The following ZER1 variants were observed in gnomAD, a reference collection of about 807,000 sequenced individuals.
ZER1 encodes zyg-11 related cell cycle regulator, also known as protein zer-1 homolog.
In ZER1, 11 loss-of-function variants were observed where a neutral mutation model predicts 78.8. The ratio of observed to expected loss-of-function variants is 0.14; its 90% confidence interval spans 0.09 to 0.23. The LOEUF (loss-of-function observed/expected upper bound fraction) is 0.23, where lower values mean the gene tolerates loss of function less well. Ranked by LOEUF, ZER1 falls within the 10% of genes least tolerant of loss-of-function variation. ZER1 has a pLI of 1.00. For synonymous variants in ZER1, 400 were observed against 407.0 expected, an observed-to-expected ratio of 0.98 and a Z score of 0.21; for missense variants, 588 against 996.9, an observed-to-expected ratio of 0.59 and a Z score of 5.52.
At chr9:128,765,603 C>G (rs955240212) in intron 1 of ZER1, among the ~76,000 whole-genome samples, 1 of 152,146 alleles carries the variant, frequency 6.6e-6, no homozygotes, top group Non-Finnish European at 1.5e-5. Flanking sequence ...ACCCAGAGGA[C>G]AGAGAGGTTG....
At chr9:128,735,197 G>T in intron 14 of ZER1, 137 bp downstream of exon 14, 1 of 769,898 alleles carries the variant, frequency 1.3e-6, no homozygotes, top group Non-Finnish European at 2.0e-6. Context: ...ACAAACGCTG[G>T]AAAGTGGAGG....
At position 128,753,657 on chromosome 9, in the gene ZER1, A is replaced by G; in HGVS notation, c.310-57T>C. ...CACCCTTGCCCCTTCCCCCGGCCCCAGGCCTTGCCCTGGGCTACAGGTGGG... is the reference window on the plus strand; with the variant it reads ...CACCCTTGCCCCTTCCCCCGGCCCCGGGCCTTGCCCTGGGCTACAGGTGGG... On this transcript the variant is annotated intron_variant, in intron 3 of 15. Coordinates refer to ENST00000291900, the MANE Select transcript of ZER1 (RefSeq NM_006336.4). The surrounding 1 kb of genome is among the most constrained non-coding windows in gnomAD (Gnocchi z 7.5). 1 of 1,588,238 alleles carries G rather than the reference A, an allele frequency of 6.3e-7. No individual in the cohort carries two copies. The highest frequency in any genetic ancestry group is 8.6e-7 in the Non-Finnish European group (1 of 1,166,540).
intron 1 of ZER1, among the ~76,000 whole-genome samples, chr9:128,758,633 T>A (rs1863939880): frequency 1.3e-5 from 2 of 151,726 alleles, no homozygotes; most frequent in Non-Finnish European, 2.9e-5. Context: ...AGAGACAAGA[T>A]CTTGCTATGT....
rs759790540 is a variant in ZER1, at chr9:128,753,651, G to A, written c.310-51C>T. On this transcript the variant is annotated intron_variant, in intron 3 of 15. Coordinates refer to ENST00000291900, the MANE Select transcript of ZER1 (RefSeq NM_006336.4). This position sits in a 1 kb window ranked among gnomAD's most constrained non-coding sequence, Gnocchi z 7.5. ...CATCACCACCCTTGCCCCTTCCCCC[G>A]GCCCCAGGCCTTGCCCTGGGCTACA... The A allele has an allele frequency of 1.5e-5, 24 of 1,590,716 alleles. No homozygotes were observed. Among genetic ancestry groups the A allele is most frequent in the Admixed American group, 5.1e-5 (3 of 58,496 alleles).
At chr9:128,743,893 CTTTTTTTTTTTTTT>C (rs35174986) in intron 8 of ZER1, among the ~76,000 whole-genome samples, 1 of 38,506 alleles carries the variant, frequency 2.6e-5, no homozygotes, top group Non-Finnish European at 4.5e-5. Flanking sequence ...ATGGCCCCTG[CTTTTTTTTTTTTTT>C]TTTTTTTTTG....
chr9:128,734,574 T>C (rs1472175313), intron 14 of ZER1, among the ~76,000 whole-genome samples: 1 of 151,638 alleles, frequency 6.6e-6, no homozygotes, highest in Non-Finnish European at 1.5e-5. Context: ...GCTCAAACAA[T>C]CCTCCCACCT....
At chr9:128,760,033 C>A (rs1863992994) in intron 1 of ZER1, among the ~76,000 whole-genome samples, 1 of 152,012 alleles carries the variant, frequency 6.6e-6, no homozygotes, top group East Asian at 1.9e-4. Flanking sequence ...GCATGTGCCA[C>A]CACGCCCAGT....
Position 128,753,035 on chromosome 9 carries a change from T to A in ZER1, c.746+129A>T. ...AAACACTGGGTTTAAGGAATGGGAC[T>A]GTGTCTTCATCCCCACCCTCTGCCT... On this transcript the variant is annotated intron_variant, in intron 4 of 15. Transcript: ENST00000291900. The surrounding 1 kb of genome is among the most constrained non-coding windows in gnomAD (Gnocchi z 7.5). 8.4e-7 allele frequency: 1 copy of A among 1,197,072 alleles called. No individual in the cohort carries two copies. The highest frequency in any genetic ancestry group is 2.8e-5 in the East Asian group (1 of 35,392). 74.2% of individuals were successfully genotyped at this position (1,197,072 alleles called of 1,614,324 possible).
chr9:128,734,227 C>T (rs1452923455), intron 14 of ZER1, among the ~76,000 whole-genome samples: 11 of 130,686 alleles, frequency 8.4e-5, no homozygotes, highest in Non-Finnish European at 1.6e-4. Flanking sequence ...GACAGAGTCT[C>T]ACTCTGTCAC....
chr9:128,743,262 C>T (rs1485585741), intron 8 of ZER1, among the ~76,000 whole-genome samples: 1 of 151,732 alleles, frequency 6.6e-6, no homozygotes, highest in Admixed American at 6.6e-5. Context: ...GGATTACAGG[C>T]GTGCCACCAT....
chr9:128,743,182 A>G (rs1863363966), intron 8 of ZER1, among the ~76,000 whole-genome samples: 1 of 150,892 alleles, frequency 6.6e-6, no homozygotes, highest in South Asian at 2.1e-4. Context: ...CAGTGGACCT[A>G]TCTCGGCTCA....
intron 8 of ZER1, among the ~76,000 whole-genome samples, chr9:128,748,480 A>C (rs1427153417): frequency 6.7e-6 from 1 of 149,482 alleles, no homozygotes; most frequent in Non-Finnish European, 1.5e-5. Flanking sequence ...CTGAGTTGGG[A>C]GGCTTGCTTG....
chr9:128,742,843 G>A (rs1863350203), intron 8 of ZER1, 98 bp from the exon 9 acceptor site: 1 of 1,293,338 alleles, frequency 7.7e-7, no homozygotes, highest in Non-Finnish European at 1.1e-6. Flanking sequence ...CCAGAGTTGT[G>A]GCAGTCCAGC....
intron 1 of ZER1, among the ~76,000 whole-genome samples, chr9:128,760,885 C>A (rs912862674): frequency 6.6e-6 from 1 of 151,534 alleles, no homozygotes; most frequent in Non-Finnish European, 1.5e-5. Flanking sequence ...ATAGGCCAGG[C>A]GCGGTGGCTC....
chr9:128,733,787 T>A (rs867546514), intron 14 of ZER1, among the ~76,000 whole-genome samples: 51 of 144,028 alleles, frequency 3.5e-4, no homozygotes, highest in African/African-American at 6.9e-4. Flanking sequence ...ATTCTTTTTT[T>A]TAAAAAAAAA....
intron 8 of ZER1, chr9:128,745,900 CACCATCTTGGTTCACTGCA>C (rs1191353316): frequency 4.6e-5 from 7 of 151,986 alleles, no homozygotes; most frequent in Non-Finnish European, 7.4e-5. Flanking sequence ...AGTGCACTGG[CACCATCTTGGTTCACTGCA>C]ACCTCTACCT....
chr9:128,770,928 T>A (rs1318348770), intron 1 of ZER1, among the ~76,000 whole-genome samples: 1 of 152,132 alleles, frequency 6.6e-6, no homozygotes, highest in Non-Finnish European at 1.5e-5. Context: ...CCAGCACTTT[T>A]GGAGGCTGGA....
At chr9:128,752,935 A>G (rs553573140) in intron 4 of ZER1, 86 bp from the exon 5 acceptor site, 4 of 1,488,726 alleles carry the variant, frequency 2.7e-6, no homozygotes, top group African/African-American at 1.4e-5. Flanking sequence ...AGTCTGTAGC[A>G]GGGGAGGGCC....
intron 1 of ZER1, among the ~76,000 whole-genome samples, chr9:128,758,879 G>A (rs542486359): frequency 6.6e-6 from 1 of 152,328 alleles, no homozygotes; most frequent in East Asian, 1.9e-4. Flanking sequence ...GATTGGAAGG[G>A]AGTTTCTGGG....
Sources: gnomAD v4.1 joint callset for allele counts (sites outside exome capture counted in the v4.1 genomes callset) on GRCh38, gnomAD v4.1.1 for gene constraint, Gnocchi (gnomAD v3.1) non-coding constraint, MANE v1.5 for transcripts, NCBI Gene and HGNC (gene_info 2026-07-23, HGNC 2026-07-21) for gene names.